The following EFCAB6 variants were observed in gnomAD, a reference collection of about 807,000 sequenced individuals.
EFCAB6 encodes the protein EF-hand calcium binding domain 6, also known as EF-hand calcium-binding domain-containing protein 6.
A neutral mutation model predicts 169.8 loss-of-function variants in EFCAB6; 156 were observed. The ratio of observed to expected loss-of-function variants is 0.92; its 90% confidence interval spans 0.81 to 1.05. The LOEUF (loss-of-function observed/expected upper bound fraction) is 1.05. EFCAB6 is among the 50% of genes least tolerant of loss of function. The pLI is 0.00. For missense variants in EFCAB6, 1,800 were observed against 1,829.1 expected (o/e 0.98, Z 0.29); for synonymous variants, 698 against 676.4 (o/e 1.03, Z -0.50).
intron 20 of EFCAB6, among the ~76,000 whole-genome samples, chr22:43,626,141 T>G (rs989901681): frequency 6.6e-6 from 1 of 152,204 alleles, no homozygotes; most frequent in Admixed American, 6.6e-5. Context: ...GACACACACG[T>G]ATATATGTAT....
chr22:43,541,869 A>G (rs1330329162), intron 27 of EFCAB6, among the ~76,000 whole-genome samples: 1 of 152,222 alleles, frequency 6.6e-6, no homozygotes, highest in East Asian at 1.9e-4. Context: ...AGTGTCAAAC[A>G]TCTGGCAAAG....
rs1361205414 is a variant in EFCAB6, at chr22:43,669,065, T to G, written c.1641-20A>C. 6.3e-7 allele frequency: 1 copy of G among 1,586,612 alleles called. No individual in the cohort carries two copies. The highest frequency in any genetic ancestry group is 8.6e-7 in the Non-Finnish European group (1 of 1,167,418). On this transcript the variant is annotated intron_variant, in intron 15 of 31. Coordinates refer to ENST00000262726, the MANE Select transcript of EFCAB6 (RefSeq NM_022785.4). ...CAGAGTCTGAATTTTAAAAAATAAT[T>G]AAAACACACTCAGTAGAGTAATTAA...
At chr22:43,568,450 A>G (rs1361810237) in intron 26 of EFCAB6, among the ~76,000 whole-genome samples, 1 of 152,118 alleles carries the variant, frequency 6.6e-6, no homozygotes, top group East Asian at 1.9e-4. Context: ...TTGATCCACA[A>G]ATGGTTGTCG....
At chr22:43,804,516 T>C (rs1234030509) in intron 2 of EFCAB6, among the ~76,000 whole-genome samples, 3 of 152,102 alleles carry the variant, frequency 2.0e-5, no homozygotes, top group Non-Finnish European at 4.4e-5. Flanking sequence ...TCCCAGCACT[T>C]TGGGAGGCTG....
chr22:43,610,524 C>CCTA (rs2053228415), intron 21 of EFCAB6, among the ~76,000 whole-genome samples: 1 of 152,126 alleles, frequency 6.6e-6, no homozygotes, highest in Admixed American at 6.5e-5. Context: ...TCTGATGGTA[C>CCTA]CAAGTGCTAC....
chr22:43,718,022 C>T (rs1230146247), intron 8 of EFCAB6, among the ~76,000 whole-genome samples: 1 of 148,824 alleles, frequency 6.7e-6, no homozygotes, highest in Non-Finnish European at 1.5e-5. Context: ...CATTTTAACA[C>T]TTATTTTGTA....
intron 23 of EFCAB6, among the ~76,000 whole-genome samples, chr22:43,594,652 T>G (rs965277380): frequency 1.3e-5 from 2 of 152,180 alleles, no homozygotes; most frequent in African/African-American, 4.8e-5. Context: ...TGTTAATATA[T>G]CTAAAAGGAG....
intron 20 of EFCAB6, among the ~76,000 whole-genome samples, chr22:43,619,533 T>C (rs1490521529): frequency 6.6e-6 from 1 of 152,196 alleles, no homozygotes; most frequent in Non-Finnish European, 1.5e-5. Context: ...AAGCAGCTAT[T>C]ATATTCATGA....
chr22:43,531,567 A>C (rs1039188215), intron 30 of EFCAB6, among the ~76,000 whole-genome samples: 10 of 152,246 alleles, frequency 6.6e-5, no homozygotes, highest in Admixed American at 3.3e-4. Flanking sequence ...ATGTGTTTGA[A>C]TATCACAAAG....
intron 6 of EFCAB6, among the ~76,000 whole-genome samples, chr22:43,745,849 C>T: frequency 6.6e-6 from 1 of 152,306 alleles, no homozygotes; most frequent in African/African-American, 2.4e-5. Context: ...AAGAACAACA[C>T]AGCTGTGCAG....
intron 1 of EFCAB6, among the ~76,000 whole-genome samples, chr22:43,810,325 T>C (rs1296688493): frequency 6.6e-6 from 1 of 152,144 alleles, no homozygotes; most frequent in Non-Finnish European, 1.5e-5. Flanking sequence ...AGTAAAACTG[T>C]GGACAAATAG....
chr22:43,601,206 A>G (rs553372104), intron 22 of EFCAB6, among the ~76,000 whole-genome samples: 1 of 152,310 alleles, frequency 6.6e-6, no homozygotes, highest in South Asian at 2.1e-4. Context: ...GTCATTTTCT[A>G]TTATTGAGAT....
At chr22:43,675,496 TAGGA>T in intron 13 of EFCAB6, among the ~76,000 whole-genome samples, 2 of 141,114 alleles carry the variant, frequency 1.4e-5, no homozygotes, top group Admixed American at 7.3e-5. Flanking sequence ...TTATATAATA[TAGGA>T]TTTAATATAA....
At chr22:43,695,040 A>G (rs2058523472) in intron 10 of EFCAB6, among the ~76,000 whole-genome samples, 2 of 152,170 alleles carry the variant, frequency 1.3e-5, no homozygotes, top group East Asian at 3.9e-4. Context: ...AATAAGAGGC[A>G]TACAGATTGG....
At chr22:43,562,410 C>G (rs2049094624) in intron 26 of EFCAB6, among the ~76,000 whole-genome samples, 1 of 152,096 alleles carries the variant, frequency 6.6e-6, no homozygotes, top group African/African-American at 2.4e-5. Flanking sequence ...TAGTAAAAAG[C>G]AAGTCACAGC....
chr22:43,762,429 C>G (rs2061194706), intron 5 of EFCAB6, among the ~76,000 whole-genome samples: 1 of 152,200 alleles, frequency 6.6e-6, no homozygotes, highest in South Asian at 2.1e-4. Context: ...TTGTAGAATG[C>G]TCCCTTCTCT....
intron 27 of EFCAB6, among the ~76,000 whole-genome samples, chr22:43,551,681 C>T (rs1017416166): frequency 3.3e-5 from 5 of 152,100 alleles, no homozygotes; most frequent in Non-Finnish European, 7.4e-5. Context: ...CCTCAACAGG[C>T]CCCAGTGTGT....
intron 6 of EFCAB6, among the ~76,000 whole-genome samples, chr22:43,754,494 A>C (rs2060884910): frequency 6.6e-6 from 1 of 152,166 alleles, no homozygotes; most frequent in Admixed American, 6.5e-5. Context: ...TCTGGTACTA[A>C]GCATTACCTT....
chr22:43,625,287 G>A (rs1040852259), intron 20 of EFCAB6, among the ~76,000 whole-genome samples: 41 of 152,212 alleles, frequency 2.7e-4, no homozygotes, highest in Admixed American at 1.7e-3. Flanking sequence ...TGGGGACCGT[G>A]AGTGCCTCAA....
Sources: allele counts gnomAD v4.1 joint callset (sites outside exome capture counted in the v4.1 genomes callset), GRCh38; gene constraint gnomAD v4.1.1; transcripts MANE v1.5; gene names NCBI Gene and HGNC (gene_info 2026-07-23, HGNC 2026-07-21).